Variants in BTD observed in about 807,000 individuals in gnomAD.
The protein encoded by BTD is biotinidase, also known as biocytinase.
Under a neutral mutation model 17.7 loss-of-function variants are expected in BTD, and 13 were observed. The observed-to-expected ratio is 0.74, with a 90% confidence interval of 0.48 to 1.17. BTD has a LOEUF of 1.17. Ranked by LOEUF, BTD falls within the 50% of genes most tolerant of loss-of-function variation. The pLI, the probability that BTD is intolerant of heterozygous loss-of-function variation, is 0.00. For missense variants in BTD, 674 were observed against 650.4 expected (o/e 1.04, Z -0.39); for synonymous variants, 240 against 245.2 (o/e 0.98, Z 0.20).
At position 15,636,367 on chromosome 3, in the gene BTD, C is replaced by G. The variant is rs554251650; in HGVS notation, c.249+679C>G. Among the ~76,000 whole-genome samples the G allele has an allele frequency of 2.0e-5, 3 of 152,306 alleles. No individual in the cohort carries two copies. In the East Asian group the frequency reaches 5.8e-4, roughly 29 times the overall value. ...CTGACAAAGGGAAGGTCAGTGCCAG[C>G]CTTTGTGAAGGCTTCCTGGTTGGCC... is the stretch of plus-strand genomic sequence containing the variant. On this transcript the variant is annotated intron_variant, in intron 2 of 3. Transcript: ENST00000643237.
rs201138281 is a variant in BTD at position 15,690,064 on chromosome 3, A to C, written c.400-19996A>C. ...CTCTTCAAAATGTAATCTTTTACTA[A>C]GATTGAGGCTCCCTGATTAATGAGT... is the stretch of plus-strand genomic sequence containing the variant. On this transcript the variant is annotated intron_variant, in intron 3 of 3. Transcript: ENST00000672141. 8.9e-5 allele frequency: 144 copies of C among 1,612,102 alleles called. 1 individual carries two copies. Among genetic ancestry groups the C allele is most frequent in the Non-Finnish European group, 1.2e-4 (138 of 1,179,086 alleles).
rs34885143 is a variant in BTD at position 15,635,512 on chromosome 3, G to A, written c.73G>A (p.Gly25Arg). ...CGTGGTTGCCCTGGGAGCCCACACC[G>A]GGGAGGAGAGCGTGGCTGACCATCA... ...CYVVALGAHT[G>R]EESVADHHEA... Residue 25 changes from glycine (G) to arginine (R), a missense_variant, in exon 2 of 4, where the codon GGG becomes AGG. Transcript: ENST00000643237. This position sits in a 1 kb window ranked among gnomAD's most constrained non-coding sequence, Gnocchi z 4.1. The A allele has an allele frequency of 0.014, 21,990 of 1,614,134 alleles. 169 individuals carry two copies. Among genetic ancestry groups the A allele is most frequent in the Non-Finnish European group, 0.016 (18,915 of 1,180,016 alleles).
At chr3:15,669,109 A>G (rs1392422678) in intron 3 of BTD, 1 of 152,272 alleles carries the variant, frequency 6.6e-6, no homozygotes, top group Non-Finnish European at 1.5e-5. Flanking sequence ...GCTACTTTAA[A>G]TATGAATAGG....
In BTD at chr3:15,645,764, C is replaced by T. The variant is rs529324919; in HGVS notation, c.*276C>T. 4.0e-4 allele frequency: 165 copies of T among 416,968 alleles called. 1 individual carries two copies. Among genetic ancestry groups the T allele is most frequent in the Admixed American group, 3.3e-3 (81 of 24,696 alleles). 25.8% of individuals were successfully genotyped at this position (416,968 alleles called of 1,614,324 possible). On this transcript the variant is annotated 3_prime_UTR_variant, in exon 4 of 4. Transcript: ENST00000643237. The stretch of plus-strand genomic sequence containing the variant: ...TTCCTCTAACAAATCTCTCAGTATG[C>T]GATTGGTCTCAAGCTAAAACAAAAA...
rs146544409 is a variant in BTD, at chr3:15,604,113, G to A, written c.-17+2219G>A. 4.2e-3 allele frequency among the ~76,000 whole-genome samples: 647 copies of A among 152,354 alleles called. 4 individuals carry two copies. The highest frequency in any genetic ancestry group is 4.4e-3 in the Non-Finnish European group (299 of 68,030). ...CCAGCAGTGCCCCAGGAGGGACTCTGTATGGGGGCTCCCACCCCACATTTC... is the reference window on the plus strand; with the variant it reads ...CCAGCAGTGCCCCAGGAGGGACTCTATATGGGGGCTCCCACCCCACATTTC... On this transcript the variant is annotated intron_variant, in intron 1 of 3. Coordinates refer to ENST00000643237, the MANE Select transcript of BTD (RefSeq NM_001370658.1).
rs1032448710 is a variant in BTD at position 15,631,444 on chromosome 3, G to A, written c.-16-3980G>A. The A allele has an allele frequency of 1.0e-5, 16 of 1,534,444 alleles. No homozygotes were observed. In the African/African-American group the frequency reaches 1.5e-4, roughly 14 times the overall value. Reference sequence around the variant, plus strand: ...TATTTCAGAAGACACTATTGTAATAGCATGGCTAGGAAGGAAACACAGCTA... The same window carrying A: ...TATTTCAGAAGACACTATTGTAATAACATGGCTAGGAAGGAAACACAGCTA... On this transcript the variant is annotated intron_variant, in intron 1 of 3. Coordinates refer to ENST00000643237, the MANE Select transcript of BTD (RefSeq NM_001370658.1).
chr3:15,618,955 A>G (rs927120859), intron 1 of BTD, among the ~76,000 whole-genome samples: 1 of 152,172 alleles, frequency 6.6e-6, no homozygotes. Flanking sequence ...GATATTTTTT[A>G]TTAATTCATT....
chr3:15,621,007 C>T (rs1167791619), intron 1 of BTD, among the ~76,000 whole-genome samples: 2 of 152,256 alleles, frequency 1.3e-5, no homozygotes, highest in Admixed American at 1.3e-4. Context: ...CTGGAGTCCA[C>T]AGGCCAGGGA....
chr3:15,716,674 C>T (rs150314535), downstream of BTD, among the ~76,000 whole-genome samples: 5 of 152,190 alleles, frequency 3.3e-5, no homozygotes, highest in East Asian at 7.7e-4. Context: ...AACTAAACAA[C>T]CCCCACAACT....
intron 3 of BTD, among the ~76,000 whole-genome samples, chr3:15,662,000 T>C (rs1256578617): frequency 1.3e-5 from 2 of 152,262 alleles, no homozygotes; most frequent in Non-Finnish European, 2.9e-5. Flanking sequence ...CTTTGACCAA[T>C]ACCACACTGT....
At chr3:15,621,125 G>A (rs2064940776) in intron 1 of BTD, among the ~76,000 whole-genome samples, 2 of 152,226 alleles carry the variant, frequency 1.3e-5, no homozygotes, top group African/African-American at 4.8e-5. Flanking sequence ...TGGCTTATTA[G>A]ATGGTGCCTG....
intron 1 of BTD, among the ~76,000 whole-genome samples, chr3:15,614,530 T>A (rs1191377884): frequency 6.6e-6 from 1 of 152,156 alleles, no homozygotes; most frequent in African/African-American, 2.4e-5. Context: ...TCTAAACAAA[T>A]TTTTTAATGA....
intron 3 of BTD, among the ~76,000 whole-genome samples, chr3:15,689,573 G>C (rs1317485217): frequency 1.3e-5 from 2 of 152,220 alleles, no homozygotes; most frequent in African/African-American, 4.8e-5. Flanking sequence ...CATGAGAGCA[G>C]GACAGTTTTA....
At chr3:15,613,553 C>T (rs1457799051) in intron 1 of BTD, among the ~76,000 whole-genome samples, 1 of 151,906 alleles carries the variant, frequency 6.6e-6, no homozygotes, top group Non-Finnish European at 1.5e-5. Context: ...CTCCTCCTTT[C>T]CTCCCCTTCT....
chr3:15,664,500 T>C (rs909805652), intron 3 of BTD, among the ~76,000 whole-genome samples: 2 of 152,228 alleles, frequency 1.3e-5, no homozygotes, highest in African/African-American at 4.8e-5. Context: ...GTAGATTCAG[T>C]AGTTTTTCTT....
chr3:15,665,115 G>C (rs1039395142), intron 3 of BTD, among the ~76,000 whole-genome samples: 9 of 152,122 alleles, frequency 5.9e-5, no homozygotes, highest in African/African-American at 2.2e-4. Flanking sequence ...AGAGTCATAG[G>C]GGAAAGGGGA....
intron 3 of BTD, among the ~76,000 whole-genome samples, chr3:15,709,338 A>G (rs1215068068): frequency 1.3e-5 from 2 of 152,086 alleles, no homozygotes; most frequent in Non-Finnish European, 2.9e-5. Context: ...TTTTCTAGGT[A>G]TTGTGAGTTT....
chr3:15,650,596 G>C lies in BTD; in HGVS notation c.*5108G>C, dbSNP rs559263294. 6.6e-6 allele frequency among the ~76,000 whole-genome samples: 1 copy of C among 152,072 alleles called. No individual in the cohort carries two copies. The highest frequency in any genetic ancestry group is 1.5e-5 in the Non-Finnish European group (1 of 68,016). ...CATTTTCTCCCACAGACAGACTCTCGTGTAGTTGCAACAATGGCCATGACT... is the reference window on the plus strand; with the variant it reads ...CATTTTCTCCCACAGACAGACTCTCCTGTAGTTGCAACAATGGCCATGACT... On this transcript the variant is annotated 3_prime_UTR_variant, in exon 4 of 4. Transcript: ENST00000643237.
intron 3 of BTD, among the ~76,000 whole-genome samples, chr3:15,703,359 C>A (rs2070894549): frequency 6.6e-6 from 1 of 152,224 alleles, no homozygotes. Context: ...TGTCCCCCCA[C>A]ACCCATTCAC....
Sources: allele counts gnomAD v4.1 joint callset (sites outside exome capture counted in the v4.1 genomes callset), GRCh38; gene constraint gnomAD v4.1.1; non-coding constraint Gnocchi (gnomAD v3.1); transcripts MANE v1.5; gene names NCBI Gene and HGNC (gene_info 2026-07-23, HGNC 2026-07-21).